Variants in FER observed in about 807,000 individuals in gnomAD.
FER encodes the protein FER tyrosine kinase, also known as tyrosine-protein kinase Fer.
FER carries 63 observed loss-of-function variants against 111.0 expected under a neutral mutation model. The observed-to-expected ratio is 0.57, with a 90% CI of 0.46 to 0.70. FER has a LOEUF of 0.70. Among genes scored for constraint, FER ranks in the 30% least tolerant of loss-of-function variants. FER has a pLI of 0.00. For missense variants in FER, 914 were observed against 954.0 expected, an observed-to-expected ratio of 0.96 and a Z score of 0.55; for synonymous variants, 327 against 313.9, an observed-to-expected ratio of 1.04 and a Z score of -0.44.
At chr5:109,127,967 T>A (rs762894628) in intron 17 of FER, among the ~76,000 whole-genome samples, 3 of 152,208 alleles carry the variant, frequency 2.0e-5, no homozygotes, top group Non-Finnish European at 4.4e-5. Flanking sequence ...CTATTTTATC[T>A]TGTTTTTACA....
intron 3 of FER, among the ~76,000 whole-genome samples, chr5:108,831,150 C>T (rs1455998070): frequency 1.3e-5 from 2 of 152,104 alleles, no homozygotes; most frequent in South Asian, 2.1e-4. Context: ...GAAATCTTCT[C>T]GCCTAGGCTG....
At chr5:109,009,517 A>G (rs1765963752) in intron 13 of FER, among the ~76,000 whole-genome samples, 1 of 152,122 alleles carries the variant, frequency 6.6e-6, no homozygotes, top group Non-Finnish European at 1.5e-5. Context: ...ACTAGCATTA[A>G]TCATCTCTTC....
intron 9 of FER, among the ~76,000 whole-genome samples, chr5:108,890,811 G>GTTTCTA (rs1455801233): frequency 1.3e-5 from 2 of 151,986 alleles, no homozygotes; most frequent in Non-Finnish European, 2.9e-5. Context: ...AAGGATGTTT[G>GTTTCTA]GTTTGTTTCT....
At chr5:108,926,607 G>T (rs868761449) in intron 10 of FER, among the ~76,000 whole-genome samples, 50 of 152,082 alleles carry the variant, frequency 3.3e-4, no homozygotes, top group African/African-American at 1.2e-3. Context: ...ATTTATCTTG[G>T]TTATTAACTA....
intron 13 of FER, among the ~76,000 whole-genome samples, chr5:109,018,981 A>G (rs142165529): frequency 8.9e-4 from 135 of 151,608 alleles, no homozygotes; most frequent in Middle Eastern, 6.8e-3. Flanking sequence ...TGAATTGTCA[A>G]AGCTGATTCA....
At chr5:109,155,248 A>G (rs555881125) in intron 17 of FER, among the ~76,000 whole-genome samples, 80 of 152,050 alleles carry the variant, frequency 5.3e-4, no homozygotes, top group African/African-American at 1.9e-3. Context: ...CTATCTGGCA[A>G]GAAACTTTCT....
intron 13 of FER, among the ~76,000 whole-genome samples, chr5:108,974,974 T>C (rs1384228048): frequency 6.6e-6 from 1 of 152,222 alleles, no homozygotes. Flanking sequence ...TGTGTGTTTA[T>C]TGCAATAGCA....
At chr5:109,123,321 A>G (rs1284088085) in intron 17 of FER, among the ~76,000 whole-genome samples, 1 of 151,598 alleles carries the variant, frequency 6.6e-6, no homozygotes, top group East Asian at 1.9e-4. Context: ...GTGCCCAGCT[A>G]ATTTTTTTGT....
intron 17 of FER, among the ~76,000 whole-genome samples, chr5:109,101,193 G>A (rs532432542): frequency 6.6e-6 from 1 of 151,994 alleles, no homozygotes; most frequent in South Asian, 2.1e-4. Flanking sequence ...ATGATCTGTT[G>A]CAGAATTCAT....
rs556616796 is a variant in FER at position 109,149,140 on chromosome 5, CT to C, written c.2049-31605del. 7.2e-5 allele frequency among the ~76,000 whole-genome samples: 11 copies of C among 152,120 alleles called. 1 individual carries two copies. The South Asian group carries it at 2.3e-3, about 32-fold the overall frequency. On this transcript the variant is annotated intron_variant, in intron 17 of 19. Transcript: ENST00000281092. ...TTGTGACATCTTTTTATTCTCTAAT[CT>C]TATGTGAATGTTTCTGTGACCATAT...
chr5:108,905,751 C>CTA (rs902953120), intron 10 of FER, among the ~76,000 whole-genome samples: 4 of 151,918 alleles, frequency 2.6e-5, no homozygotes, highest in African/African-American at 9.7e-5. Context: ...TTAGCAGTAC[C>CTA]TATATATATA....
At chr5:108,829,742 CTT>C (rs1357974622) in intron 3 of FER, among the ~76,000 whole-genome samples, 1 of 152,140 alleles carries the variant, frequency 6.6e-6, no homozygotes, top group Non-Finnish European at 1.5e-5. Flanking sequence ...CTTCTTCCCT[CTT>C]TCCCTCCCTC....
In FER at chr5:109,188,777, A is replaced by ATAAC. The variant is rs1173209828; in HGVS notation, c.*1203_*1206dup. The ATAAC allele has an allele frequency of 1.3e-5, 2 of 152,254 alleles. No individual in the cohort carries two copies. The highest frequency in any genetic ancestry group is 1.3e-4 in the Admixed American group (2 of 15,286). The allele number at this position is 152,254 out of a possible 1,614,324, so 9.4% of individuals were successfully genotyped here. A position where few individuals can be genotyped will look rare whatever the true frequency, so the allele number is the denominator to read the frequency against. ...AACTGCAAAGCACAAATCCACAGAA[A>ATAAC]TAACAGCATACTTTCAGTTAAGCAT... On this transcript the variant is annotated 3_prime_UTR_variant, in exon 20 of 20. Transcript: ENST00000281092.
chr5:109,072,566 T>C (rs1451756552), intron 16 of FER, among the ~76,000 whole-genome samples: 1 of 151,790 alleles, frequency 6.6e-6, no homozygotes, highest in Non-Finnish European at 1.5e-5. Context: ...AGGCCAGTGA[T>C]GTCGTGTTTC....
At chr5:109,110,074 G>A (rs977824270) in intron 17 of FER, among the ~76,000 whole-genome samples, 1 of 152,074 alleles carries the variant, frequency 6.6e-6, no homozygotes, top group African/African-American at 2.4e-5. Flanking sequence ...TATCTCCATA[G>A]TCTGCTACTT....
At chr5:108,873,728 C>T (rs1212693468) in intron 8 of FER, among the ~76,000 whole-genome samples, 2 of 152,120 alleles carry the variant, frequency 1.3e-5, no homozygotes, top group Admixed American at 6.6e-5. Flanking sequence ...AACCAGTAGT[C>T]CTTGCCCTGG....
rs887440663 is a variant in FER, at chr5:109,191,331, C to G, written c.*3756C>G. On this transcript the variant is annotated 3_prime_UTR_variant, in exon 20 of 20. Coordinates refer to ENST00000281092, the MANE Select transcript of FER (RefSeq NM_005246.4). Reference sequence around the variant, plus strand: ...TATACTGTGTACACTGTTTAATGGCCATGCATCTTTTGAAGTTTGATATTT... The same window carrying G: ...TATACTGTGTACACTGTTTAATGGCGATGCATCTTTTGAAGTTTGATATTT... 1.2e-4 allele frequency: 18 copies of G among 152,104 alleles called. No individual in the cohort carries two copies. Among genetic ancestry groups the G allele is most frequent in the Admixed American group, 4.6e-4 (7 of 15,274 alleles). The allele number at this position is 152,104 out of a possible 1,614,324, so 9.4% of individuals were successfully genotyped here.
At chr5:109,016,555 A>C (rs1007810385) in intron 13 of FER, among the ~76,000 whole-genome samples, 1 of 152,062 alleles carries the variant, frequency 6.6e-6, no homozygotes, top group African/African-American at 2.4e-5. Flanking sequence ...CTCTGATGAT[A>C]TCAGACCAGC....
At chr5:109,122,830 C>G (rs1751156786) in intron 17 of FER, among the ~76,000 whole-genome samples, 1 of 151,970 alleles carries the variant, frequency 6.6e-6, no homozygotes, top group Non-Finnish European at 1.5e-5. Flanking sequence ...CCTTCTTTGT[C>G]TCTTTTTTAG....
Sources: gnomAD v4.1 joint callset for allele counts (sites outside exome capture counted in the v4.1 genomes callset) on GRCh38, gnomAD v4.1.1 for gene constraint, MANE v1.5 for transcripts, NCBI Gene and HGNC (gene_info 2026-07-23, HGNC 2026-07-21) for gene names.